PDZD2: variants seen among roughly 807,000 people sequenced by gnomAD.
The protein encoded by PDZD2 is PDZ domain-containing protein 2.
PDZD2 carries 90 observed loss-of-function variants against 220.7 expected under a neutral mutation model. That is an observed-to-expected ratio of 0.41 (90% confidence interval 0.34 to 0.49). PDZD2 has a LOEUF of 0.49. PDZD2 is among the 20% of genes least tolerant of loss of function. The pLI, the probability that PDZD2 is intolerant of heterozygous loss-of-function variation, is 0.28. For synonymous variants in PDZD2, 1,375 were observed against 1,450.5 expected, an observed-to-expected ratio of 0.95 and a Z score of 1.18; for missense variants, 3,174 against 3,608.5, an observed-to-expected ratio of 0.88 and a Z score of 3.08.
intron 17 of PDZD2, 49 bp downstream of exon 17, chr5:32,072,366 GT>G (rs1740839375): frequency 7.0e-7 from 1 of 1,425,082 alleles, no homozygotes; most frequent in South Asian, 1.3e-5. Context: ...CCAGTCAGCA[GT>G]GACTGGTTTC....
intron 2 of PDZD2, among the ~76,000 whole-genome samples, chr5:31,892,516 G>A (rs1475160512): frequency 2.0e-5 from 3 of 152,166 alleles, no homozygotes; most frequent in Admixed American, 1.3e-4. Context: ...CATCTACTGT[G>A]TGCCAGGCTG....
chr5:31,908,024 A>C (rs931240180), intron 2 of PDZD2, among the ~76,000 whole-genome samples: 2 of 140,182 alleles, frequency 1.4e-5, no homozygotes, highest in Admixed American at 1.5e-4. Flanking sequence ...CGGAGGCTTC[A>C]GTGAGCCGAG....
chr5:31,891,624 A>G (rs1741051405), intron 2 of PDZD2, among the ~76,000 whole-genome samples: 1 of 146,150 alleles, frequency 6.8e-6, no homozygotes, highest in Non-Finnish European at 1.5e-5. Flanking sequence ...CGGTTTTTCC[A>G]TTTCTAAGGG....
intron 7 of PDZD2, among the ~76,000 whole-genome samples, chr5:32,037,845 A>T (rs1581341981): frequency 1.2e-4 from 17 of 146,614 alleles, no homozygotes; most frequent in Admixed American, 1.4e-4. Flanking sequence ...TATGAAAGGC[A>T]TTTTTTTTTT....
chr5:32,003,384 C>T (rs372231551), intron 5 of PDZD2, among the ~76,000 whole-genome samples: 39 of 81,224 alleles, frequency 4.8e-4, no homozygotes, highest in South Asian at 6.5e-4. Context: ...CACACACACA[C>T]CCACACACAC....
At chr5:32,095,440 C>T (rs1743578108) in intron 21 of PDZD2, among the ~76,000 whole-genome samples, 1 of 152,144 alleles carries the variant, frequency 6.6e-6, no homozygotes, top group African/African-American at 2.4e-5. Context: ...TAGAACTGCA[C>T]AAAACTATTT....
At chr5:32,063,940 C>G (rs1246462008) in intron 14 of PDZD2, among the ~76,000 whole-genome samples, 1 of 152,192 alleles carries the variant, frequency 6.6e-6, no homozygotes, top group Non-Finnish European at 1.5e-5. Flanking sequence ...GTGGCTCCTC[C>G]TCTGTCTAAG....
At chr5:31,896,718 C>T (rs550255349) in intron 2 of PDZD2, among the ~76,000 whole-genome samples, 2 of 152,314 alleles carry the variant, frequency 1.3e-5, no homozygotes, top group East Asian at 3.9e-4. Flanking sequence ...AGCACTTCAC[C>T]AGAGGCCAAG....
intron 3 of PDZD2, among the ~76,000 whole-genome samples, chr5:31,989,098 A>G (rs1750970528): frequency 1.3e-5 from 2 of 152,178 alleles, no homozygotes; most frequent in Non-Finnish European, 2.9e-5. Flanking sequence ...AGATTTCTTC[A>G]ACACATATAT....
At chr5:31,668,373 A>G (rs150135182) in intron 1 of PDZD2, among the ~76,000 whole-genome samples, 1 of 152,348 alleles carries the variant, frequency 6.6e-6, no homozygotes, top group African/African-American at 2.4e-5. Context: ...ACCACCGGGC[A>G]AGTGTCTGGC....
chr5:31,951,229 A>C lies in PDZD2; in HGVS notation c.477-31926A>C, dbSNP rs181313617. On this transcript the variant is annotated intron_variant, in intron 2 of 24. Coordinates refer to ENST00000438447, the MANE Select transcript of PDZD2 (RefSeq NM_178140.4). ...ATTACACGTGTACAGCACCACACCC[A>C]GCTAATTTTTAAATTTTTTTAAGAA... Among the ~76,000 whole-genome samples the C allele has an allele frequency of 4.8e-3, 731 of 152,140 alleles. 3 individuals carry two copies. The highest frequency in any genetic ancestry group is 0.017 in the African/African-American group (700 of 41,486).
chr5:31,995,432 G>A (rs1581234799), intron 3 of PDZD2, 144 bp from the exon 4 acceptor site: 2 of 815,014 alleles, frequency 2.5e-6, no homozygotes, highest in African/African-American at 3.4e-5. Context: ...GGGTCCAATC[G>A]GCAGAATTCT....
At chr5:31,946,648 C>G (rs1554012103) in intron 2 of PDZD2, among the ~76,000 whole-genome samples, 1 of 152,160 alleles carries the variant, frequency 6.6e-6, no homozygotes, top group Non-Finnish European at 1.5e-5. Flanking sequence ...CAAAGCAGTC[C>G]TTTTTTTCTT....
intron 2 of PDZD2, among the ~76,000 whole-genome samples, chr5:31,982,411 G>A (rs1036415327): frequency 2.0e-5 from 3 of 152,168 alleles, no homozygotes; most frequent in African/African-American, 7.2e-5. Context: ...AGGCCCAAGT[G>A]ATCCTCCCAC....
chr5:31,904,742 G>A (rs113188967), intron 2 of PDZD2, among the ~76,000 whole-genome samples: 4,123 of 152,060 alleles, frequency 0.027, 195 homozygotes, highest in African/African-American at 0.092. Flanking sequence ...CACTGCGCCC[G>A]GCCAATATGT....
At chr5:31,874,248 C>A in intron 2 of PDZD2, among the ~76,000 whole-genome samples, 1 of 152,286 alleles carries the variant, frequency 6.6e-6, no homozygotes, top group Non-Finnish European at 1.5e-5. Flanking sequence ...ACAGTGACAT[C>A]TAGATTGCTG....
chr5:32,025,202 G>A (rs187036021), intron 6 of PDZD2, among the ~76,000 whole-genome samples: 68 of 152,316 alleles, frequency 4.5e-4, no homozygotes, highest in African/African-American at 1.4e-3. Flanking sequence ...GGAAGGCAGC[G>A]GAAGGCCAGA....
Position 31,699,791 on chromosome 5 carries a change from T to TTG in PDZD2, c.-361+60354_-361+60355insTG, listed in dbSNP as rs1561391523. Among the ~76,000 whole-genome samples, 207 of 101,130 alleles carry TTG rather than the reference T, an allele frequency of 2.0e-3. 1 individual carries two copies. The highest frequency in any genetic ancestry group is 3.4e-3 in the Non-Finnish European group (149 of 44,384). 66.3% of individuals were successfully genotyped at this position (101,130 alleles called of 152,430 possible). A position where few individuals can be genotyped will look rare whatever the true frequency, so the allele number is the denominator to read the frequency against. ...TGTTTTTTTTTGTTTGTTTTTTTTT[T>TTG]GTTTTTTTTTTGGTATTTTAGTAGA... On this transcript the variant is annotated intron_variant, in intron 1 of 24. Coordinates refer to ENST00000438447, the MANE Select transcript of PDZD2 (RefSeq NM_178140.4).
rs142134117 is a variant in PDZD2, at chr5:32,026,138, A to ATT, written c.1408-11079_1408-11078dup. Among the ~76,000 whole-genome samples the ATT allele has an allele frequency of 9.1e-3, 1,283 of 140,252 alleles. 36 individuals are homozygous for ATT. Among genetic ancestry groups the ATT allele is most frequent in the African/African-American group, 0.029 (1,104 of 37,764 alleles). 92.0% of individuals were successfully genotyped at this position (140,252 alleles called of 152,430 possible). ...CCTGCTAATTGTCCTGTTGACTACT[A>ATT]TTTTTTTTTTTTTTTGGTAACAGTG... On this transcript the variant is annotated intron_variant, in intron 6 of 24. Transcript: ENST00000438447.
Sources: allele counts gnomAD v4.1 joint callset (sites outside exome capture counted in the v4.1 genomes callset), GRCh38; gene constraint gnomAD v4.1.1; transcripts MANE v1.5; gene names NCBI Gene and HGNC (gene_info 2026-07-23, HGNC 2026-07-21).